Variants in CCNC observed in about 807,000 individuals in gnomAD.
CCNC encodes the protein cyclin C, also known as cyclin-C.
CCNC carries 19 observed loss-of-function variants against 50.0 expected under a neutral mutation model. The observed-to-expected ratio is 0.38, with a 90% CI of 0.27 to 0.56. The LOEUF (loss-of-function observed/expected upper bound fraction) is 0.56, where lower values mean the gene tolerates loss of function less well. Ranked by LOEUF, CCNC falls within the 20% of genes least tolerant of loss-of-function variation. The probability of loss-of-function intolerance (pLI) is 0.72; values close to 1 mark genes in which losing one functional copy is unlikely to be tolerated. For synonymous variants in CCNC, 93 were observed against 103.7 expected, an observed-to-expected ratio of 0.90 and a Z score of 0.63; for missense variants, 200 against 327.1, an observed-to-expected ratio of 0.61 and a Z score of 3.00.
At chr6:99,551,916 A>T (rs1358559890) in intron 5 of CCNC, 21 bp from the exon 6 acceptor site, 3 of 1,367,372 alleles carry the variant, frequency 2.2e-6, no homozygotes, top group African/African-American at 1.5e-5. Flanking sequence ...TAAAAAAAAA[A>T]TTTAAACTGA....
At chr6:99,560,393 T>C (rs188673314) in intron 4 of CCNC, among the ~76,000 whole-genome samples, 22 of 152,296 alleles carry the variant, frequency 1.4e-4, no homozygotes, top group Middle Eastern at 3.4e-3. Flanking sequence ...ACAGAGTCAA[T>C]TGTCATTATT....
At chr6:99,548,802 C>CAAA (rs71021744) in intron 9 of CCNC, among the ~76,000 whole-genome samples, 3 of 106,560 alleles carry the variant, frequency 2.8e-5, no homozygotes, top group African/African-American at 1.2e-4. Flanking sequence ...GACTCCATCT[C>CAAA]AAAAAAAAAA....
At chr6:99,551,925 G>A in intron 5 of CCNC, 30 bp from the exon 6 acceptor site, 1 of 1,323,452 alleles carries the variant, frequency 7.6e-7, no homozygotes, top group Non-Finnish European at 1.0e-6. Flanking sequence ...AATTTAAACT[G>A]AGAAAATGGG....
Position 99,545,236 on chromosome 6 carries a change from A to C in CCNC, c.679-6T>G, listed in dbSNP as rs765665116. On this transcript the variant is annotated splice_region_variant and splice_polypyrimidine_tract_variant and intron_variant, in intron 10 of 11. Transcript: ENST00000520429. ...ACCCTGATTATTTCCAAAATCTAGAAGAAAATATTTGAAAAGTTCTCAGTG... is the reference window on the plus strand; with the variant it reads ...ACCCTGATTATTTCCAAAATCTAGACGAAAATATTTGAAAAGTTCTCAGTG... 6.7e-7 allele frequency: 1 copy of C among 1,485,612 alleles called. No homozygotes were observed. The highest frequency in any genetic ancestry group is 1.1e-5 in the South Asian group (1 of 87,452). 92.0% of individuals were successfully genotyped at this position (1,485,612 alleles called of 1,614,324 possible). A position where few individuals can be genotyped will look rare whatever the true frequency, so the allele number is the denominator to read the frequency against.
At chr6:99,566,731 C>T (rs1428366911) in intron 1 of CCNC, among the ~76,000 whole-genome samples, 1 of 152,138 alleles carries the variant, frequency 6.6e-6, no homozygotes, top group African/African-American at 2.4e-5. Flanking sequence ...TTTATAAATA[C>T]TGCATTTCAT....
chr6:99,568,566 G>A lies in CCNC; in HGVS notation c.-39C>T. 1 of 1,604,530 alleles carries A rather than the reference G, an allele frequency of 6.2e-7. No individual in the cohort carries two copies. Among genetic ancestry groups the A allele is most frequent in the Non-Finnish European group, 8.5e-7 (1 of 1,175,848 alleles). On this transcript the variant is annotated 5_prime_UTR_variant, in exon 1 of 12. Coordinates refer to ENST00000520429, the MANE Select transcript of CCNC (RefSeq NM_005190.4). ...CCCTGATAAAAAAGCACCAGCCGGC[G>A]GAGCGGCCCGCGGAGCGACCATAGA... is the stretch of plus-strand genomic sequence containing the variant.
Position 99,568,549 on chromosome 6 carries a change from A to G in CCNC, c.-22T>C. On this transcript the variant is annotated 5_prime_UTR_variant, in exon 1 of 12. Coordinates refer to ENST00000520429, the MANE Select transcript of CCNC (RefSeq NM_005190.4). ...CCATGGAACACAGCTTGCCCTGATAAAAAAGCACCAGCCGGCGGAGCGGCC... is the reference window on the plus strand; with the variant it reads ...CCATGGAACACAGCTTGCCCTGATAGAAAAGCACCAGCCGGCGGAGCGGCC... 6.2e-7 allele frequency: 1 copy of G among 1,611,002 alleles called. No homozygotes were observed. Among genetic ancestry groups the G allele is most frequent in the Non-Finnish European group, 8.5e-7 (1 of 1,178,652 alleles).
intron 1 of CCNC, among the ~76,000 whole-genome samples, chr6:99,565,098 T>C (rs926823487): frequency 2.0e-5 from 3 of 152,134 alleles, no homozygotes; most frequent in African/African-American, 7.2e-5. Flanking sequence ...AAGTAATTAA[T>C]AGGTGATATG....
chr6:99,554,618 G>A (rs904763683), intron 5 of CCNC, among the ~76,000 whole-genome samples: 1 of 152,102 alleles, frequency 6.6e-6, no homozygotes, highest in Non-Finnish European at 1.5e-5. Flanking sequence ...AGCTCTCTTA[G>A]TTAGCTCCTA....
chr6:99,568,735 A>C (rs1769272366), upstream of CCNC: 2 of 1,404,188 alleles, frequency 1.4e-6, no homozygotes, highest in Non-Finnish European at 1.9e-6. Context: ...ACCCGTTCCT[A>C]TCGACAAAAG....
intron 9 of CCNC, among the ~76,000 whole-genome samples, chr6:99,548,264 T>C (rs908417612): frequency 4.0e-4 from 61 of 152,126 alleles, no homozygotes; most frequent in African/African-American, 1.4e-3. Flanking sequence ...ATGTGACACA[T>C]GTTCTGTTAT....
At position 99,542,775 on chromosome 6, in the gene CCNC, CAACATTAA is replaced by C. The variant is rs1359240934; in HGVS notation, c.*772_*779del. On this transcript the variant is annotated 3_prime_UTR_variant, in exon 12 of 12. Transcript: ENST00000520429. The stretch of plus-strand genomic sequence containing the variant: ...ATAAAAACCTTTTCACAGTAAAAAT[CAACATTAA>C]AATTTTACCAAATTCCAACATTATG... 6.6e-6 allele frequency: 1 copy of C among 152,354 alleles called. No individual in the cohort carries two copies. The highest frequency in any genetic ancestry group is 2.4e-5 in the African/African-American group (1 of 41,406). The allele number at this position is 152,354 out of a possible 1,614,324, so 9.4% of individuals were successfully genotyped here.
chr6:99,545,101 C>G lies in CCNC; in HGVS notation c.797+11G>C. On this transcript the variant is annotated intron_variant, in intron 11 of 11. Coordinates refer to ENST00000520429, the MANE Select transcript of CCNC (RefSeq NM_005190.4). ...ATTAAATGACATCAATAATTAAAGT[C>G]TACAAAGTACCTGTTTGGAGGTGGT... The G allele has an allele frequency of 7.6e-7, 1 of 1,321,474 alleles. No homozygotes were observed. The highest frequency in any genetic ancestry group is 1.1e-6 in the Non-Finnish European group (1 of 914,620). The allele number at this position is 1,321,474 out of a possible 1,614,324, so 81.9% of individuals were successfully genotyped here.
chr6:99,558,397 C>T (rs774327313), intron 5 of CCNC, 100 bp downstream of exon 5: 15 of 1,507,364 alleles, frequency 1.0e-5, no homozygotes, highest in Admixed American at 2.4e-5. Flanking sequence ...TAAAGCCAAC[C>T]AATCTCATAT....
At chr6:99,561,533 C>T in intron 3 of CCNC, 64 bp downstream of exon 3, 1 of 1,370,568 alleles carries the variant, frequency 7.3e-7, no homozygotes, top group South Asian at 1.2e-5. Flanking sequence ...GATTCATTTA[C>T]ACTGTGCTAA....
Position 99,543,544 on chromosome 6 carries a change from T to C in CCNC, c.*11A>G. 6.2e-7 allele frequency: 1 copy of C among 1,613,172 alleles called. No individual in the cohort carries two copies. The highest frequency in any genetic ancestry group is 2.2e-5 in the East Asian group (1 of 44,792). On this transcript the variant is annotated 3_prime_UTR_variant, in exon 12 of 12. Transcript: ENST00000520429. ...TTCCAAGTGGTCCACTATGGAATTC[T>C]TCGGAATGTTTTAAGATTGGCTGTA... is the stretch of plus-strand genomic sequence containing the variant.
chr6:99,565,869 T>C (rs1332718474), intron 1 of CCNC, among the ~76,000 whole-genome samples: 1 of 152,086 alleles, frequency 6.6e-6, no homozygotes, highest in Non-Finnish European at 1.5e-5. Flanking sequence ...TTTGCATTAA[T>C]ATTCAAAAGT....
intron 9 of CCNC, 89 bp downstream of exon 9, chr6:99,549,419 A>G (rs1180990035): frequency 8.1e-6 from 7 of 861,716 alleles, no homozygotes; most frequent in Non-Finnish European, 1.4e-5. Context: ...ACATAAAAAC[A>G]TAAAGTACAA....
chr6:99,560,043 C>A (rs1423503520), intron 4 of CCNC, among the ~76,000 whole-genome samples: 1 of 152,040 alleles, frequency 6.6e-6, no homozygotes, highest in Non-Finnish European at 1.5e-5. Context: ...TTATCCAAAA[C>A]TCAAAGGGAA....
Sources: allele counts gnomAD v4.1 joint callset (sites outside exome capture counted in the v4.1 genomes callset), GRCh38; gene constraint gnomAD v4.1.1; transcripts MANE v1.5; gene names NCBI Gene and HGNC (gene_info 2026-07-23, HGNC 2026-07-21).